Variants in CEP128 observed in about 807,000 individuals in gnomAD.
CEP128 encodes centrosomal protein 128kDa.
CEP128 carries 132 observed loss-of-function variants against 156.7 expected under a neutral mutation model. The ratio of observed to expected loss-of-function variants is 0.84; its 90% confidence interval spans 0.73 to 0.97. The LOEUF is 0.97. Ranked by LOEUF, CEP128 falls within the 50% of genes least tolerant of loss-of-function variation. CEP128 has a pLI of 0.00. For synonymous variants in CEP128, 469 were observed against 448.9 expected, an observed-to-expected ratio of 1.04 and a Z score of -0.57; for missense variants, 1,252 against 1,281.9, an observed-to-expected ratio of 0.98 and a Z score of 0.36.
At chr14:80,925,079 T>C (rs1052705918) in intron 2 of CEP128, among the ~76,000 whole-genome samples, 7 of 152,044 alleles carry the variant, frequency 4.6e-5, no homozygotes, top group African/African-American at 1.4e-4. Flanking sequence ...TAGGAGAACA[T>C]ATGTTCTAAA....
intron 19 of CEP128, among the ~76,000 whole-genome samples, chr14:80,699,374 T>C (rs927485018): frequency 6.6e-5 from 10 of 152,210 alleles, no homozygotes; most frequent in African/African-American, 2.4e-4. Flanking sequence ...TTTTCCAAGA[T>C]GGTGTGTAAA....
At chr14:80,841,858 A>G (rs1236763871) in intron 9 of CEP128, among the ~76,000 whole-genome samples, 1 of 152,006 alleles carries the variant, frequency 6.6e-6, no homozygotes, top group African/African-American at 2.4e-5. Context: ...TCTGTAGAGC[A>G]CATAAAGCAA....
intron 19 of CEP128, among the ~76,000 whole-genome samples, chr14:80,630,533 C>T (rs1437390327): frequency 6.6e-6 from 1 of 151,868 alleles, no homozygotes; most frequent in Non-Finnish European, 1.5e-5. Flanking sequence ...AAAAATACCC[C>T]AAAGTCTGCC....
chr14:80,918,621 A>C (rs946878679), intron 2 of CEP128, among the ~76,000 whole-genome samples: 18 of 152,148 alleles, frequency 1.2e-4, no homozygotes, highest in Non-Finnish European at 2.2e-4. Context: ...TGTTCTTCCC[A>C]CTGTGTTCTG....
chr14:80,538,006 C>T (rs1889564812), intron 21 of CEP128, among the ~76,000 whole-genome samples: 1 of 152,130 alleles, frequency 6.6e-6, no homozygotes, highest in Non-Finnish European at 1.5e-5. Context: ...TATTAATGGT[C>T]TTTATTATTC....
chr14:80,948,179 G>A (rs1338658305), intron 2 of CEP128, among the ~76,000 whole-genome samples: 1 of 152,200 alleles, frequency 6.6e-6, no homozygotes, highest in Non-Finnish European at 1.5e-5. Context: ...TACATCAGCA[G>A]AAAACAATCA....
At chr14:80,851,817 G>A (rs1034110279) in intron 9 of CEP128, among the ~76,000 whole-genome samples, 1 of 151,928 alleles carries the variant, frequency 6.6e-6, no homozygotes, top group Non-Finnish European at 1.5e-5. Context: ...AGATTAAAGA[G>A]GGAAAATGAT....
At chr14:80,932,396 T>A (rs1885518437) in intron 2 of CEP128, among the ~76,000 whole-genome samples, 1 of 152,234 alleles carries the variant, frequency 6.6e-6, no homozygotes, top group South Asian at 2.1e-4. Flanking sequence ...TTCCTGAGAT[T>A]GCAAATGACT....
chr14:80,624,280 TATCC>T (rs1412400970), intron 19 of CEP128, among the ~76,000 whole-genome samples: 3 of 152,220 alleles, frequency 2.0e-5, no homozygotes, highest in Non-Finnish European at 4.4e-5. Flanking sequence ...GCTTCTTTTT[TATCC>T]CATTGTGCAT....
chr14:80,938,466 C>T (rs1885957345), intron 2 of CEP128, among the ~76,000 whole-genome samples: 1 of 151,854 alleles, frequency 6.6e-6, no homozygotes, highest in Admixed American at 6.6e-5. Context: ...CCAGGATGGT[C>T]TCGATCTCCC....
chr14:80,482,039 G>A (rs955540673), intron 14 of CEP128, among the ~76,000 whole-genome samples: 34 of 152,200 alleles, frequency 2.2e-4, no homozygotes, highest in African/African-American at 8.2e-4. Context: ...TATAGTTTGG[G>A]TGGGAGAATC....
At chr14:80,684,698 C>CA (rs536368254) in intron 19 of CEP128, among the ~76,000 whole-genome samples, 3,268 of 106,166 alleles carry the variant, frequency 0.031, 45 homozygotes, top group African/African-American at 0.05. Flanking sequence ...CAAAAATCCT[C>CA]AAAAAAAAAA....
chr14:80,702,655 G>A (rs1348525366), intron 19 of CEP128, among the ~76,000 whole-genome samples: 1 of 152,172 alleles, frequency 6.6e-6, no homozygotes, highest in African/African-American at 2.4e-5. Flanking sequence ...AAGGCACAGA[G>A]AGGTTGAGAA....
intron 2 of CEP128, among the ~76,000 whole-genome samples, chr14:80,949,007 A>G (rs2139655297): frequency 2.0e-5 from 3 of 152,320 alleles, no homozygotes; most frequent in Admixed American, 2.0e-4. Flanking sequence ...CTAAATCTTG[A>G]TATAAAATGT....
chr14:80,837,500 G>C lies in CEP128; in HGVS notation c.924+704C>G, dbSNP rs142372477. 2.9e-3 allele frequency among the ~76,000 whole-genome samples: 444 copies of C among 152,266 alleles called. 1 individual carries two copies. The highest frequency in any genetic ancestry group is 4.6e-3 in the Admixed American group (70 of 15,296). ...TTGGGAGGCCGAGGTGGGGAATCAC[G>C]AAGTCAGGAGATCGAGAACATCCTG... is the stretch of plus-strand genomic sequence containing the variant. On this transcript the variant is annotated intron_variant, in intron 11 of 24. Transcript: ENST00000555265.
At chr14:80,593,794 T>G (rs1334089805) in intron 19 of CEP128, among the ~76,000 whole-genome samples, 2 of 152,066 alleles carry the variant, frequency 1.3e-5, no homozygotes, top group Admixed American at 1.3e-4. Context: ...CAAGGAGAAC[T>G]ACAAACCACT....
At chr14:80,900,935 G>C (rs372032825) in intron 6 of CEP128, among the ~76,000 whole-genome samples, 1 of 151,932 alleles carries the variant, frequency 6.6e-6, no homozygotes, top group Admixed American at 6.6e-5. Context: ...GGCCGGGCGC[G>C]GTGGCTCACG....
intron 19 of CEP128, among the ~76,000 whole-genome samples, chr14:80,729,057 GGGTGTGTGTGTGTGTGTGTGTGTGTGT>G (rs1898140171): frequency 2.0e-5 from 2 of 102,170 alleles, no homozygotes; most frequent in Non-Finnish European, 3.4e-5. Context: ...GGGCTGGTGG[GGGTGTGTGTGTGTGTGTGTGTGTGTGT>G]GTGTGTGTGT....
chr14:80,606,341 T>C (rs1445333888), intron 19 of CEP128, among the ~76,000 whole-genome samples: 1 of 152,118 alleles, frequency 6.6e-6, no homozygotes, highest in East Asian at 1.9e-4. Flanking sequence ...AGATTTTGAC[T>C]GAAAAAGAGA....
Sources: allele counts gnomAD v4.1 joint callset (sites outside exome capture counted in the v4.1 genomes callset), GRCh38; gene constraint gnomAD v4.1.1; transcripts MANE v1.5; gene names NCBI Gene and HGNC (gene_info 2026-07-23, HGNC 2026-07-21).